The following ERICH3 variants were observed in gnomAD, a reference collection of about 807,000 sequenced individuals.
The protein encoded by ERICH3 is glutamate-rich protein 3.
In ERICH3, 126 loss-of-function variants were observed where a neutral mutation model predicts 131.1. That is an observed-to-expected ratio of 0.96 (90% CI 0.83 to 1.11). ERICH3 has a LOEUF of 1.11. Ranked by LOEUF, ERICH3 falls within the 50% of genes most tolerant of loss-of-function variation. The probability of loss-of-function intolerance (pLI) is 0.00; values close to 1 mark genes in which losing one functional copy is unlikely to be tolerated. For synonymous variants in ERICH3, 695 were observed against 644.6 expected (o/e 1.08, Z -1.18); for missense variants, 2,050 against 1,810.7 (o/e 1.13, Z -2.40).
intron 7 of ERICH3, 85 bp downstream of exon 7, chr1:74,631,628 A>G (rs1022441622): frequency 8.5e-7 from 1 of 1,175,416 alleles, no homozygotes; most frequent in East Asian, 2.4e-5. Flanking sequence ...ATTTCCTCCA[A>G]ATTCTTTTAC....
rs775335447 is a variant in ERICH3, at chr1:74,571,679, T to A, written c.4031A>T (p.His1344Leu). 9 of 1,614,028 alleles carry A rather than the reference T, an allele frequency of 5.6e-6. No homozygotes were observed. Among genetic ancestry groups the A allele is most frequent in the Non-Finnish European group, 5.9e-6 (7 of 1,180,018 alleles). Reference sequence around the variant, plus strand: ...TGTTTCTGCCGTTTCACCACCTCCGTGTAGAACTTCCACAGCCACAACCCT... The same window carrying A: ...TGTTTCTGCCGTTTCACCACCTCCGAGTAGAACTTCCACAGCCACAACCCT... ...GGRVVAVEVLHGGGETAETAA... is the reference protein window; with the variant it reads ...GGRVVAVEVLLGGGETAETAA... Residue 1344 changes from histidine (H) to leucine (L), a missense_variant, in exon 14 of 15, where the codon CAC (histidine) becomes CTC (leucine). His to Leu is a moderately conservative substitution (Grantham distance 99, BLOSUM62 -3). Transcript: ENST00000326665.
chr1:74,656,698 A>G (rs561507565), intron 1 of ERICH3, among the ~76,000 whole-genome samples: 1 of 152,322 alleles, frequency 6.6e-6, no homozygotes, highest in South Asian at 2.1e-4. Flanking sequence ...ATGTGAAAAT[A>G]CCCACATAGA....
chr1:74,667,013 A>G (rs997359007), intron 1 of ERICH3, among the ~76,000 whole-genome samples: 1 of 152,196 alleles, frequency 6.6e-6, no homozygotes, highest in Non-Finnish European at 1.5e-5. Context: ...CTTCCTATTC[A>G]ATATAATCAG....
At chr1:74,579,660 A>G in intron 12 of ERICH3, 1 of 985,412 alleles carries the variant, frequency 1.0e-6, no homozygotes, top group Non-Finnish European at 1.2e-6. Flanking sequence ...ACTTAAAAGC[A>G]AGAACTTGGC....
Position 74,568,577 on chromosome 1 carries a change from G to T in ERICH3, c.*1881C>A, listed in dbSNP as rs986439808. On this transcript the variant is annotated 3_prime_UTR_variant, in exon 15 of 15. Coordinates refer to ENST00000326665, the MANE Select transcript of ERICH3 (RefSeq NM_001002912.5). ...ATGATGGAGATTTATGATGTGCAGT[G>T]AGTAATATCCTTGAATAGGGAGTAG... 1 of 152,146 alleles carries T rather than the reference G, an allele frequency of 6.6e-6. No individual in the cohort carries two copies. The highest frequency in any genetic ancestry group is 1.5e-5 in the Non-Finnish European group (1 of 67,998). 9.4% of individuals were successfully genotyped at this position (152,146 alleles called of 1,614,324 possible).
At position 74,643,088 on chromosome 1, in the gene ERICH3, T is replaced by C. The variant is rs761979598; in HGVS notation, c.254A>G (p.Gln85Arg). 1.2e-6 allele frequency: 2 copies of C among 1,610,546 alleles called. No individual in the cohort carries two copies. Among genetic ancestry groups the C allele is most frequent in the African/African-American group, 2.7e-5 (2 of 74,798 alleles). The change falls in exon 4 of 15, where the codon CAG becomes CGG. Residue 85 changes from glutamine (Q) to arginine (R), a missense_variant. Coordinates refer to ENST00000326665, the MANE Select transcript of ERICH3 (RefSeq NM_001002912.5). ...CTCCAATTTCTTTTTTATTTCAAGCTGATGGTAACGCTAAGCATACAGGAA... is the reference window on the plus strand; with the variant it reads ...CTCCAATTTCTTTTTTATTTCAAGCCGATGGTAACGCTAAGCATACAGGAA... ...HKVLDMERYH[Q>R]LEIKKKLETL...
chr1:74,592,922 CTT>C (rs1387713590), intron 11 of ERICH3, among the ~76,000 whole-genome samples: 1 of 152,040 alleles, frequency 6.6e-6, no homozygotes, highest in African/African-American at 2.4e-5. Context: ...TATTTATTCT[CTT>C]AGAAATAAAG....
intron 7 of ERICH3, 85 bp downstream of exon 7, chr1:74,631,628 A>T (rs1022441622): frequency 8.5e-7 from 1 of 1,175,416 alleles, no homozygotes; most frequent in African/African-American, 1.5e-5. Context: ...ATTTCCTCCA[A>T]ATTCTTTTAC....
In ERICH3 at chr1:74,612,825, A is replaced by G. The variant is rs779319487; in HGVS notation, c.1001-16T>C. On this transcript the variant is annotated splice_polypyrimidine_tract_variant and intron_variant, in intron 8 of 14. Transcript: ENST00000326665. Reference sequence around the variant, plus strand: ...TGAAAGGTCTCTGGAATTAAAATAGAAATACATTAGTGAAAGCAACTGACT... The same window carrying G: ...TGAAAGGTCTCTGGAATTAAAATAGGAATACATTAGTGAAAGCAACTGACT... 17 of 1,553,042 alleles carry G rather than the reference A, an allele frequency of 1.1e-5. No individual in the cohort carries two copies. Among genetic ancestry groups the G allele is most frequent in the Non-Finnish European group, 1.5e-5 (17 of 1,136,538 alleles).
At chr1:74,583,708 A>G (rs1647220934) in intron 12 of ERICH3, among the ~76,000 whole-genome samples, 1 of 152,204 alleles carries the variant, frequency 6.6e-6, no homozygotes, top group Non-Finnish European at 1.5e-5. Flanking sequence ...TGAAACAAAA[A>G]TACTGGTTAT....
chr1:74,662,588 G>A (rs1646653701), intron 1 of ERICH3, among the ~76,000 whole-genome samples: 1 of 152,050 alleles, frequency 6.6e-6, no homozygotes, highest in Non-Finnish European at 1.5e-5. Context: ...ATCCTAATTT[G>A]GTATGTACAG....
At chr1:74,592,011 C>T (rs889379908) in intron 11 of ERICH3, 1 of 152,180 alleles carries the variant, frequency 6.6e-6, no homozygotes, top group African/African-American at 2.4e-5. Flanking sequence ...CCTCTTCTCT[C>T]CATGCCTCCA....
Position 74,620,857 on chromosome 1 carries a change from A to G in ERICH3, c.877T>C (p.Tyr293His), listed in dbSNP as rs1557687121. The change falls in exon 8 of 15, where the codon TAT becomes CAT. Residue 293 changes from tyrosine (Y) to histidine (H), a missense_variant. Coordinates refer to ENST00000326665, the MANE Select transcript of ERICH3 (RefSeq NM_001002912.5). The part of the protein sequence containing the change: ...LHSNAAITMI[Y>H]LGKNVHLSSD... ...GATAGGTGCACATTTTTCCCCAAAT[A>G]GATCATTGTAATAGCTGCATTACTA... is the stretch of plus-strand genomic sequence containing the variant. The G allele has an allele frequency of 2.5e-6, 4 of 1,612,696 alleles. No individual in the cohort carries two copies. Among genetic ancestry groups the G allele is most frequent in the East Asian group, 4.5e-5 (2 of 44,820 alleles).
chr1:74,662,241 C>G (rs1317109447), intron 1 of ERICH3, among the ~76,000 whole-genome samples: 2 of 152,166 alleles, frequency 1.3e-5, no homozygotes, highest in African/African-American at 2.4e-5. Flanking sequence ...CGTCTTCACA[C>G]ACTGCAGCCT....
chr1:74,606,532 GATC>G (rs1187266252), intron 10 of ERICH3, 66 bp downstream of exon 10: 11 of 1,466,200 alleles, frequency 7.5e-6, no homozygotes, highest in Non-Finnish European at 8.3e-6. Context: ...TGAAAATTTT[GATC>G]ATCACATTTC....
intron 1 of ERICH3, among the ~76,000 whole-genome samples, chr1:74,671,659 G>A (rs1270117490): frequency 2.0e-5 from 3 of 152,206 alleles, no homozygotes; most frequent in Non-Finnish European, 2.9e-5. Flanking sequence ...AAACCAGCAT[G>A]AGTGGGAAGA....
rs528293977 is a variant in ERICH3, at chr1:74,657,551, T to G, written c.24-8236A>C. Among the ~76,000 whole-genome samples, 23 of 152,326 alleles carry G rather than the reference T, an allele frequency of 1.5e-4. No homozygotes were observed. In the South Asian group the frequency reaches 4.6e-3, roughly 30 times the overall value. ...CAAACCTGCCAGATCTCAGTAATTA[T>G]GCTAAATATTGATTTACAATTTTTC... On this transcript the variant is annotated intron_variant, in intron 1 of 14. Transcript: ENST00000326665.
intron 7 of ERICH3, chr1:74,623,063 TAATGACC>T (rs1265239667): frequency 1.3e-5 from 2 of 152,218 alleles, no homozygotes; most frequent in African/African-American, 2.4e-5. Context: ...TGCAAAGATA[TAATGACC>T]AGAGACAAAT....
intron 8 of ERICH3, among the ~76,000 whole-genome samples, chr1:74,613,058 G>A (rs772260849): frequency 6.6e-6 from 1 of 152,118 alleles, no homozygotes; most frequent in Non-Finnish European, 1.5e-5. Context: ...CATAATGTTT[G>A]AAGAAAGTTT....
Sources: allele counts gnomAD v4.1 joint callset (sites outside exome capture counted in the v4.1 genomes callset), GRCh38; gene constraint gnomAD v4.1.1; transcripts MANE v1.5; gene names NCBI Gene and HGNC (gene_info 2026-07-23, HGNC 2026-07-21).